The following PLCH1 variants were observed in gnomAD, a reference collection of about 807,000 sequenced individuals.
PLCH1 encodes the protein 1-phosphatidylinositol 4,5-bisphosphate phosphodiesterase eta-1.
PLCH1 carries 60 observed loss-of-function variants against 126.7 expected under a neutral mutation model. The observed-to-expected ratio is 0.47, with a 90% confidence interval of 0.38 to 0.59. The LOEUF (loss-of-function observed/expected upper bound fraction) is 0.59. Ranked by LOEUF, PLCH1 falls within the 20% of genes least tolerant of loss-of-function variation. The pLI is 0.00. For missense variants in PLCH1, 1,723 were observed against 2,040.0 expected (o/e 0.84, Z 2.99); for synonymous variants, 719 against 734.9 (o/e 0.98, Z 0.35).
At chr3:155,555,206 CT>C (rs1726655145) in intron 8 of PLCH1, among the ~76,000 whole-genome samples, 4 of 152,248 alleles carry the variant, frequency 2.6e-5, no homozygotes, top group African/African-American at 7.2e-5. Context: ...TCCAACGCCC[CT>C]GTCTCTTGTG....
rs1193515426 is a variant in PLCH1 at position 155,575,446 on chromosome 3, C to T, written c.772-7122G>A. ...AGAAAGAATAAAGGGGCTAAAGGTG[C>T]AATTTTCAGAGCTACTACACGGGTA... On this transcript the variant is annotated intron_variant, in intron 6 of 22. Transcript: ENST00000460012. Among the ~76,000 whole-genome samples the T allele has an allele frequency of 3.3e-5, 5 of 152,178 alleles. No homozygotes were observed. In the East Asian group the frequency reaches 7.8e-4, roughly 24 times the overall value.
chr3:155,736,175 T>C (rs1210788348), intron 1 of PLCH1, among the ~76,000 whole-genome samples: 2 of 152,178 alleles, frequency 1.3e-5, no homozygotes, highest in Non-Finnish European at 2.9e-5. Flanking sequence ...GGAAACTAAA[T>C]AACAGATTTC....
At chr3:155,644,165 G>A (rs1306722901) in intron 2 of PLCH1, among the ~76,000 whole-genome samples, 1 of 152,224 alleles carries the variant, frequency 6.6e-6, no homozygotes, top group African/African-American at 2.4e-5. Flanking sequence ...TGGGAAAAAT[G>A]AAGGAATATG....
At chr3:155,608,512 C>A (rs953092395) in intron 2 of PLCH1, among the ~76,000 whole-genome samples, 4 of 152,104 alleles carry the variant, frequency 2.6e-5, no homozygotes, top group Admixed American at 6.5e-5. Flanking sequence ...CTGAGTGAGG[C>A]CTGTCACTGC....
chr3:155,681,690 A>C (rs543419117), intron 2 of PLCH1, among the ~76,000 whole-genome samples: 3 of 152,332 alleles, frequency 2.0e-5, no homozygotes, highest in African/African-American at 7.2e-5. Flanking sequence ...CATTGCTATA[A>C]GTTATATATC....
chr3:155,710,144 C>G (rs1440760413), intron 1 of PLCH1, among the ~76,000 whole-genome samples: 4 of 152,116 alleles, frequency 2.6e-5, no homozygotes, highest in African/African-American at 9.7e-5. Context: ...CACGCCACCA[C>G]ACCTGGCGAA....
chr3:155,720,977 G>A (rs1394547683), intron 1 of PLCH1, among the ~76,000 whole-genome samples: 1 of 152,128 alleles, frequency 6.6e-6, no homozygotes, highest in Non-Finnish European at 1.5e-5. Context: ...GGTGAATAGG[G>A]TGTCCTTTCC....
At position 155,697,014 on chromosome 3, in the gene PLCH1, C is replaced by A. The variant is rs145204557; in HGVS notation, c.79+7132G>T. 3.3e-5 allele frequency among the ~76,000 whole-genome samples: 5 copies of A among 152,324 alleles called. No individual in the cohort carries two copies. The East Asian group carries it at 9.6e-4, about 29-fold the overall frequency. ...TCTCCAATTTGCCATTTAAAGAGCA[C>A]CTTTTCATCCCCTCCATCGTTGCAG... On this transcript the variant is annotated intron_variant, in intron 2 of 22. Transcript: ENST00000460012.
chr3:155,636,370 A>G (rs777095375), intron 2 of PLCH1, among the ~76,000 whole-genome samples: 21 of 152,170 alleles, frequency 1.4e-4, no homozygotes, highest in Non-Finnish European at 2.8e-4. Flanking sequence ...AATATAGCAA[A>G]TTTAAATCAA....
In PLCH1 at chr3:155,672,560, A is replaced by T. The variant is rs62287319; in HGVS notation, c.79+31586T>A. Reference sequence around the variant, plus strand: ...AAACCAAATTCCTACAACCTAGGAAAAGTTGAGGAGGGGTTCTCTAACTTC... The same window carrying T: ...AAACCAAATTCCTACAACCTAGGAATAGTTGAGGAGGGGTTCTCTAACTTC... On this transcript the variant is annotated intron_variant, in intron 2 of 22. Transcript: ENST00000460012. 3.1e-3 allele frequency among the ~76,000 whole-genome samples: 479 copies of T among 152,326 alleles called. 4 individuals carry two copies. Among genetic ancestry groups the T allele is most frequent in the South Asian group, 0.025 (120 of 4,826 alleles).
At chr3:155,731,876 C>T (rs1180861607) in intron 1 of PLCH1, among the ~76,000 whole-genome samples, 2 of 151,168 alleles carry the variant, frequency 1.3e-5, no homozygotes, top group African/African-American at 2.4e-5. Context: ...CCAGCTACTT[C>T]GAGGGCTGAG....
intron 2 of PLCH1, among the ~76,000 whole-genome samples, chr3:155,675,157 T>C (rs559714638): frequency 6.6e-6 from 1 of 152,280 alleles, no homozygotes; most frequent in South Asian, 2.1e-4. Context: ...ACATTAAAGC[T>C]GAAACCATAA....
At chr3:155,588,788 CTT>C (rs1731712034) in intron 4 of PLCH1, among the ~76,000 whole-genome samples, 2 of 152,162 alleles carry the variant, frequency 1.3e-5, no homozygotes, top group Non-Finnish European at 2.9e-5. Flanking sequence ...CTACTGCTTA[CTT>C]GGCCTTGTGA....
chr3:155,684,154 G>A (rs931856241), intron 2 of PLCH1, among the ~76,000 whole-genome samples: 1 of 152,162 alleles, frequency 6.6e-6, no homozygotes, highest in Non-Finnish European at 1.5e-5. Context: ...TAGGAGATAC[G>A]CATGGTCATC....
chr3:155,529,833 C>T (rs868189826), intron 10 of PLCH1, among the ~76,000 whole-genome samples: 7 of 152,098 alleles, frequency 4.6e-5, no homozygotes, highest in African/African-American at 1.7e-4. Flanking sequence ...ATGGCACGAC[C>T]TCGGCTCACT....
At chr3:155,456,419 C>A (rs373038248) in intron 21 of PLCH1, among the ~76,000 whole-genome samples, 88 of 152,186 alleles carry the variant, frequency 5.8e-4, no homozygotes, top group African/African-American at 2.1e-3. Context: ...CCTGGGCTGC[C>A]TTTAGCCCAC....
At chr3:155,549,446 T>C (rs892642661) in intron 10 of PLCH1, among the ~76,000 whole-genome samples, 2 of 152,336 alleles carry the variant, frequency 1.3e-5, no homozygotes, top group East Asian at 1.9e-4. Flanking sequence ...CTTTCAGATA[T>C]GGATACAAGG....
chr3:155,732,977 C>CA (rs375415423), intron 1 of PLCH1, among the ~76,000 whole-genome samples: 2 of 144,786 alleles, frequency 1.4e-5, no homozygotes, highest in Admixed American at 1.4e-4. Flanking sequence ...ACAATAGCTA[C>CA]AAAAAAAATA....
intron 2 of PLCH1, among the ~76,000 whole-genome samples, chr3:155,607,426 T>G (rs372145852): frequency 6.6e-5 from 10 of 152,130 alleles, no homozygotes; most frequent in African/African-American, 2.2e-4. Context: ...ATAGTAATCT[T>G]TGGTAAATAA....
Sources: gnomAD v4.1 joint callset for allele counts (sites outside exome capture counted in the v4.1 genomes callset) on GRCh38, gnomAD v4.1.1 for gene constraint, MANE v1.5 for transcripts, NCBI Gene and HGNC (gene_info 2026-07-23, HGNC 2026-07-21) for gene names.